Variants in SPATA1 observed in about 807,000 individuals in gnomAD.
SPATA1 encodes the protein spermatogenesis-associated protein 1.
A neutral mutation model predicts 59.6 loss-of-function variants in SPATA1; 57 were observed. The ratio of observed to expected loss-of-function variants is 0.96; its 90% CI spans 0.77 to 1.19. SPATA1 has a LOEUF of 1.19. SPATA1 is among the 50% of genes most tolerant of loss of function. The probability of loss-of-function intolerance (pLI) is 0.00; values close to 1 mark genes in which losing one functional copy is unlikely to be tolerated. For synonymous variants in SPATA1, 147 were observed against 163.9 expected, an observed-to-expected ratio of 0.90 and a Z score of 0.79; for missense variants, 448 against 480.7, an observed-to-expected ratio of 0.93 and a Z score of 0.64.
downstream of SPATA1, among the ~76,000 whole-genome samples, chr1:84,557,570 A>G (rs1402745259): frequency 6.8e-6 from 1 of 147,238 alleles, no homozygotes; most frequent in Non-Finnish European, 1.5e-5. Flanking sequence ...AAAAAAAAGA[A>G]GGAGGCTGGG....
chr1:84,552,169 A>G (rs983969444), intron 12 of SPATA1: 10 of 152,196 alleles, frequency 6.6e-5, no homozygotes, highest in Non-Finnish European at 1.2e-4. Flanking sequence ...AGCACTACCT[A>G]TAAGATTCAG....
chr1:84,553,102 T>C (rs914029894), exon 13 of SPATA1: 3 of 1,513,680 alleles, frequency 2.0e-6, no homozygotes, highest in African/African-American at 2.8e-5. Flanking sequence ...AAAAAAATAA[T>C]ACATCTCTAC....
At chr1:84,563,234 T>C (rs1452148111) in intron 4 of SPATA1, 9 of 1,413,190 alleles carry the variant, frequency 6.4e-6, no homozygotes, top group Non-Finnish European at 8.5e-6. Flanking sequence ...GAATAAATGC[T>C]CATAACTTAC....
chr1:84,550,912 T>G (rs539025496), intron 12 of SPATA1: 164 of 978,278 alleles, frequency 1.7e-4, no homozygotes, highest in Admixed American at 2.5e-4. Context: ...AATCGTTTCA[T>G]TTTTTCTGGT....
rs532409295 is a variant in SPATA1 at position 84,525,266 on chromosome 1, C to T, written c.262-430C>T. 5.3e-5 allele frequency among the ~76,000 whole-genome samples: 8 copies of T among 152,270 alleles called. No individual in the cohort carries two copies. In the East Asian group the frequency reaches 1.5e-3, roughly 29 times the overall value. On this transcript the variant is annotated intron_variant, in intron 4 of 12. Coordinates refer to ENST00000490879, the Ensembl canonical transcript of SPATA1. Reference sequence around the variant, plus strand: ...ACAGGCGTGAGTCACCACGCCCAGTCCCCCAATATTTGTTAAATAAATAGA... The same window carrying T: ...ACAGGCGTGAGTCACCACGCCCAGTTCCCCAATATTTGTTAAATAAATAGA...
chr1:84,554,788 T>C, downstream of SPATA1: 1 of 473,748 alleles, frequency 2.1e-6, no homozygotes. Flanking sequence ...GAATATTTAA[T>C]AGGTAAGTTG....
rs373109696 is a variant in SPATA1 at position 84,525,753 on chromosome 1, T to C, written c.315+4T>C. 3.7e-6 allele frequency: 6 copies of C among 1,606,564 alleles called. No individual in the cohort carries two copies. The South Asian group carries it at 4.5e-5, about 12-fold the overall frequency. On this transcript the variant is annotated splice_donor_region_variant and intron_variant, in intron 5 of 12. Coordinates refer to ENST00000490879, the Ensembl canonical transcript of SPATA1. The stretch of plus-strand genomic sequence containing the variant: ...CAAATCATTTGCTCCTCCATATGTA[T>C]GTAATGTGACATTTTAAACTTATGC...
chr1:84,546,799 A>G (rs1036410790), intron 10 of SPATA1, among the ~76,000 whole-genome samples: 2 of 151,694 alleles, frequency 1.3e-5, no homozygotes, highest in Admixed American at 1.3e-4. Flanking sequence ...ATTTTTTGAT[A>G]TGTGTGTGTG....
chr1:84,560,167 C>T (rs972240545), intron 4 of SPATA1, among the ~76,000 whole-genome samples: 6 of 151,630 alleles, frequency 4.0e-5, no homozygotes, highest in Non-Finnish European at 7.4e-5. Flanking sequence ...TAGAATCCCT[C>T]TTCCCTAAAA....
At chr1:84,554,518 A>G (rs993487459) in exon 13 of SPATA1, 3 of 155,006 alleles carry the variant, frequency 1.9e-5, no homozygotes, top group African/African-American at 7.2e-5. Context: ...TGATGAACCT[A>G]AAGGGGAGAC....
At chr1:84,558,293 CTT>C (rs369890996), downstream of SPATA1, among the ~76,000 whole-genome samples, 10 of 145,762 alleles carry the variant, frequency 6.9e-5, no homozygotes, top group Non-Finnish European at 9.1e-5. Flanking sequence ...TGCCATTAAA[CTT>C]TTTTTTTTTT....
intron 12 of SPATA1, 191 bp downstream of exon 12, chr1:84,550,721 C>T (rs531443540): frequency 1.0e-5 from 12 of 1,145,264 alleles, no homozygotes; most frequent in Admixed American, 4.7e-5. Context: ...TGAAAAGATA[C>T]ATGATATAAT....
chr1:84,531,069 T>C (rs1019306238), intron 6 of SPATA1, among the ~76,000 whole-genome samples: 1 of 152,050 alleles, frequency 6.6e-6, no homozygotes, highest in Non-Finnish European at 1.5e-5. Context: ...GTAGGGAGAG[T>C]TGTAGTTTAC....
intron 3 of SPATA1, among the ~76,000 whole-genome samples, chr1:84,522,118 CAA>C (rs1683052799): frequency 6.6e-6 from 1 of 152,166 alleles, no homozygotes; most frequent in South Asian, 2.1e-4. Context: ...AGTAAATTAG[CAA>C]AGAGACAGTT....
intron 1 of SPATA1, among the ~76,000 whole-genome samples, chr1:84,509,258 CAAATT>C (rs1452046080): frequency 6.7e-6 from 1 of 148,248 alleles, no homozygotes; most frequent in Non-Finnish European, 1.5e-5. Context: ...AACCCAGAAA[CAAATT>C]CATTCACCTA....
chr1:84,513,727 A>G (rs1354406595), intron 1 of SPATA1, among the ~76,000 whole-genome samples: 3 of 151,762 alleles, frequency 2.0e-5, no homozygotes, highest in African/African-American at 7.3e-5. Flanking sequence ...TAACCTAGTC[A>G]TTTTCTCCGT....
intron 10 of SPATA1, among the ~76,000 whole-genome samples, chr1:84,548,405 T>TCTC (rs1684159170): frequency 2.0e-5 from 3 of 146,412 alleles, no homozygotes; most frequent in African/African-American, 7.4e-5. Context: ...TTTATAGTTA[T>TCTC]ATATGTTATA....
At chr1:84,526,160 T>C in intron 6 of SPATA1, 87 bp downstream of exon 6, 1 of 1,106,088 alleles carries the variant, frequency 9.0e-7, no homozygotes. Context: ...TGAGCAAACC[T>C]AGCCTTACAA....
intron 6 of SPATA1, among the ~76,000 whole-genome samples, chr1:84,528,027 G>A (rs1446220917): frequency 6.6e-6 from 1 of 152,184 alleles, no homozygotes; most frequent in African/African-American, 2.4e-5. Flanking sequence ...CACCGCTCCA[G>A]GCCAGAGCAA....
Sources: gnomAD v4.1 joint callset for allele counts (sites outside exome capture counted in the v4.1 genomes callset) on GRCh38, gnomAD v4.1.1 for gene constraint, MANE v1.5 for transcripts, NCBI Gene and HGNC (gene_info 2026-07-23, HGNC 2026-07-21) for gene names.